KIF2A: variants seen among roughly 807,000 people sequenced by gnomAD.
The protein encoded by KIF2A is kinesin family member 2A.
Under a neutral mutation model 100.2 loss-of-function variants are expected in KIF2A, and 22 were observed. That is an observed-to-expected ratio of 0.22 (90% CI 0.16 to 0.31). The LOEUF (loss-of-function observed/expected upper bound fraction) is 0.31. Ranked by LOEUF, KIF2A falls within the 10% of genes least tolerant of loss-of-function variation. The probability of loss-of-function intolerance (pLI) is 1.00; values close to 1 mark genes in which losing one functional copy is unlikely to be tolerated. For missense variants in KIF2A, 495 were observed against 898.7 expected (o/e 0.55, Z 5.74); for synonymous variants, 268 against 285.9 (o/e 0.94, Z 0.63).
intron 18 of KIF2A, among the ~76,000 whole-genome samples, chr5:62,376,576 T>C (rs1225136318): frequency 1.3e-5 from 2 of 151,664 alleles, no homozygotes; most frequent in Non-Finnish European, 2.9e-5. Flanking sequence ...CACACCACCA[T>C]GCCCAGCTAA....
chr5:62,364,860 C>T (rs144259032), intron 14 of KIF2A, among the ~76,000 whole-genome samples: 4,818 of 152,116 alleles, frequency 0.032, 95 homozygotes, highest in South Asian at 0.08. Flanking sequence ...TTTGGGAGGC[C>T]GAGGCGGGTG....
intron 1 of KIF2A, among the ~76,000 whole-genome samples, chr5:62,340,850 TTGAG>T (rs1747258628): frequency 6.6e-6 from 1 of 152,144 alleles, no homozygotes; most frequent in African/African-American, 2.4e-5. Flanking sequence ...AAAGAGGTAT[TTGAG>T]TAGCTCAATG....
chr5:62,324,420 A>G (rs1365263381), intron 1 of KIF2A, among the ~76,000 whole-genome samples: 2 of 152,224 alleles, frequency 1.3e-5, no homozygotes, highest in African/African-American at 4.8e-5. Context: ...AAGCAAAAAT[A>G]ACAAAACCAG....
At chr5:62,337,158 C>T (rs1031138115) in intron 1 of KIF2A, among the ~76,000 whole-genome samples, 12 of 152,040 alleles carry the variant, frequency 7.9e-5, no homozygotes, top group Admixed American at 3.9e-4. Flanking sequence ...TTCTAGAGTA[C>T]GGAAAGGGAA....
At chr5:62,382,223 T>C (rs1381016927) in intron 20 of KIF2A, among the ~76,000 whole-genome samples, 1 of 152,190 alleles carries the variant, frequency 6.6e-6, no homozygotes, top group African/African-American at 2.4e-5. Flanking sequence ...TATTCATTTA[T>C]TTAAATTGAC....
intron 13 of KIF2A, among the ~76,000 whole-genome samples, 170 bp from the exon 14 acceptor site, chr5:62,363,525 A>ATGAATC (rs1740916423): frequency 6.6e-6 from 1 of 152,256 alleles, no homozygotes; most frequent in African/African-American, 2.4e-5. Context: ...ATTAAATTGT[A>ATGAATC]TGAATCTGGT....
intron 1 of KIF2A, among the ~76,000 whole-genome samples, chr5:62,324,587 T>C (rs1233150189): frequency 6.6e-6 from 1 of 152,022 alleles, no homozygotes; most frequent in Non-Finnish European, 1.5e-5. Context: ...TTCAGCAAAG[T>C]CGATAATAGC....
At chr5:62,347,062 T>C in intron 1 of KIF2A, 68 bp from the exon 2 acceptor site, 1 of 790,708 alleles carries the variant, frequency 1.3e-6, no homozygotes, top group Non-Finnish European at 2.0e-6. Context: ...TATAAAATTG[T>C]ATTTCACAGT....
intron 1 of KIF2A, among the ~76,000 whole-genome samples, chr5:62,311,019 G>C (rs115006501): frequency 4.6e-5 from 7 of 152,148 alleles, no homozygotes. Flanking sequence ...ACAGTACTGT[G>C]ACTGTATTGA....
chr5:62,387,565 T>C lies in KIF2A; in HGVS notation c.*1996T>C, dbSNP rs1742094213. On this transcript the variant is annotated 3_prime_UTR_variant, in exon 21 of 21. Transcript: ENST00000407818. ...AGAAAAGATACTGGAGGTAATATAA[T>C]ACAGTCCTTCAGCTTTACAGATAGT... 6.6e-6 allele frequency: 1 copy of C among 152,104 alleles called. No individual in the cohort carries two copies. The highest frequency in any genetic ancestry group is 1.5e-5 in the Non-Finnish European group (1 of 68,014). The allele number at this position is 152,104 out of a possible 1,614,324, so 9.4% of individuals were successfully genotyped here.
rs145371716 is a variant in KIF2A, at chr5:62,389,218, GC to G, written c.*3650del. 0.014 allele frequency among the ~76,000 whole-genome samples: 2,124 copies of G among 152,222 alleles called. 52 individuals are homozygous for G. The highest frequency in any genetic ancestry group is 0.049 in the African/African-American group (2,035 of 41,500). On this transcript the variant is annotated 3_prime_UTR_variant, in exon 21 of 21. Coordinates refer to ENST00000407818, the MANE Select transcript of KIF2A (RefSeq NM_001098511.3). ...GAAACGTTACTGGCTGGGCGCAGTG[GC>G]TTATGCCTGTAATCCCAGCACTTTG...
chr5:62,354,650 T>C (rs1278559678), intron 6 of KIF2A, among the ~76,000 whole-genome samples: 2 of 152,134 alleles, frequency 1.3e-5, no homozygotes, highest in African/African-American at 4.8e-5. Context: ...GTTTTGTCAT[T>C]ACTTAGTATT....
At chr5:62,344,484 A>G (rs778208279) in intron 1 of KIF2A, among the ~76,000 whole-genome samples, 3 of 152,204 alleles carry the variant, frequency 2.0e-5, no homozygotes, top group Non-Finnish European at 2.9e-5. Flanking sequence ...GACACATGAG[A>G]TGATAAAAGT....
rs1005564886 is a variant in KIF2A, at chr5:62,359,627, TAA to T, written c.872+1329_872+1330del. ...CTTTCTACTCCTGCCTCATAAAATA[TAA>T]GTTTGACTTTTATAATAGTTTTTAA... On this transcript the variant is annotated intron_variant, in intron 9 of 20. Transcript: ENST00000407818. Among the ~76,000 whole-genome samples, 5 of 152,308 alleles carry T rather than the reference TAA, an allele frequency of 3.3e-5. No individual in the cohort carries two copies. The East Asian group carries it at 5.8e-4, about 18-fold the overall frequency.
chr5:62,334,038 G>C (rs968862151), intron 1 of KIF2A, among the ~76,000 whole-genome samples: 1 of 152,058 alleles, frequency 6.6e-6, no homozygotes, highest in Non-Finnish European at 1.5e-5. Flanking sequence ...GAAGTCCCTG[G>C]AATTAATATC....
At chr5:62,331,584 C>A (rs956978619) in intron 1 of KIF2A, among the ~76,000 whole-genome samples, 10 of 151,344 alleles carry the variant, frequency 6.6e-5, no homozygotes, top group African/African-American at 2.4e-4. Flanking sequence ...AGCGAGACTC[C>A]GTCTCAAGAA....
chr5:62,362,739 CTT>C (rs1463743319), intron 12 of KIF2A, among the ~76,000 whole-genome samples, 198 bp downstream of exon 12: 2 of 152,078 alleles, frequency 1.3e-5, no homozygotes, highest in African/African-American at 2.4e-5. Flanking sequence ...TCCTTTGAAA[CTT>C]TTCAACTTCA....
At chr5:62,307,266 C>A (rs1373409365) in intron 1 of KIF2A, 3 of 151,882 alleles carry the variant, frequency 2.0e-5, no homozygotes, top group African/African-American at 4.8e-5. Flanking sequence ...AGAGTCAATG[C>A]GAGGCACTGC....
intron 1 of KIF2A, among the ~76,000 whole-genome samples, chr5:62,315,086 C>T (rs1170734917): frequency 6.6e-6 from 1 of 151,882 alleles, no homozygotes; most frequent in Admixed American, 6.6e-5. Flanking sequence ...TTGACCGCAA[C>T]CCATCACAGG....
Sources: gnomAD v4.1 joint callset for allele counts (sites outside exome capture counted in the v4.1 genomes callset) on GRCh38, gnomAD v4.1.1 for gene constraint, MANE v1.5 for transcripts, NCBI Gene and HGNC (gene_info 2026-07-23, HGNC 2026-07-21) for gene names.